Variants in HAPLN1 observed in about 807,000 individuals in gnomAD.
HAPLN1 encodes hyaluronan and proteoglycan link protein 1, also known as Cartilage link protein.
A neutral mutation model predicts 36.5 loss-of-function variants in HAPLN1; 13 were observed. The ratio of observed to expected loss-of-function variants is 0.36; its 90% CI spans 0.23 to 0.57. HAPLN1 has a LOEUF of 0.57. Ranked by LOEUF, HAPLN1 falls within the 20% of genes least tolerant of loss-of-function variation. The pLI is 0.83. For synonymous variants in HAPLN1, 202 were observed against 169.8 expected (o/e 1.19, Z -1.48); for missense variants, 407 against 439.7 (o/e 0.93, Z 0.66).
intron 3 of HAPLN1, among the ~76,000 whole-genome samples, chr5:83,645,471 C>CTT (rs1423821503): frequency 4.9e-5 from 1 of 20,318 alleles, no homozygotes; most frequent in African/African-American, 2.8e-4. Flanking sequence ...TTTTCTTTTT[C>CTT]TTTCTTTTTT....
In HAPLN1 at chr5:83,641,167, C is replaced by G. The variant is rs1412623198; in HGVS notation, c.*329G>C. ...GAACCTGCTGCTCTGAGTAGCTTTA[C>G]TTTCCTTAATTTAATCCTAGCAATT... On this transcript the variant is annotated 3_prime_UTR_variant, in exon 5 of 5. Coordinates refer to ENST00000274341, the MANE Select transcript of HAPLN1 (RefSeq NM_001884.4). 6.4e-6 allele frequency: 1 copy of G among 155,800 alleles called. No homozygotes were observed. Among genetic ancestry groups the G allele is most frequent in the Non-Finnish European group, 1.4e-5 (1 of 70,388 alleles). The allele number at this position is 155,800 out of a possible 1,614,324, so 9.7% of individuals were successfully genotyped here.
At chr5:83,689,016 T>C (rs945315322) in intron 1 of HAPLN1, among the ~76,000 whole-genome samples, 2 of 152,192 alleles carry the variant, frequency 1.3e-5, no homozygotes, top group Admixed American at 1.3e-4. Flanking sequence ...ATGCATTGTA[T>C]TTGCACAGGC....
Position 83,644,568 on chromosome 5 carries a change from G to A in HAPLN1, c.570C>T (p.Ser190=). ...GCCAGGCGTCGTACAGCTGGTCGAA[G>A]GAGGCGATCACAGCATCCTGGTCCA... The part of the protein sequence containing the change: ...ACLDQDAVIA[S]FDQLYDAWRG... The change falls in exon 4 of 5, where the codon TCC becomes TCT. Residue 190 remains serine, a synonymous_variant. Coordinates refer to ENST00000274341, the MANE Select transcript of HAPLN1 (RefSeq NM_001884.4). The A allele has an allele frequency of 1.9e-6, 3 of 1,597,914 alleles. No individual in the cohort carries two copies. The highest frequency in any genetic ancestry group is 2.3e-5 in the East Asian group (1 of 44,100).
chr5:83,678,221 G>GTGTA (rs1491151318), intron 1 of HAPLN1, among the ~76,000 whole-genome samples: 1 of 70,922 alleles, frequency 1.4e-5, no homozygotes, highest in East Asian at 5.5e-4. Flanking sequence ...TATAGTTTGG[G>GTGTA]TGTGTGTGTG....
At chr5:83,697,314 C>T (rs1751411166) in intron 1 of HAPLN1, among the ~76,000 whole-genome samples, 1 of 152,076 alleles carries the variant, frequency 6.6e-6, no homozygotes, top group African/African-American at 2.4e-5. Context: ...TTATGCCTGG[C>T]TTCTTTCACT....
intron 3 of HAPLN1, among the ~76,000 whole-genome samples, chr5:83,648,093 C>T (rs2112559801): frequency 6.6e-6 from 1 of 152,126 alleles, no homozygotes; most frequent in Non-Finnish European, 1.5e-5. Context: ...GTCCAAGCTT[C>T]TTCCTAAATT....
At chr5:83,685,397 C>A (rs531655641) in intron 1 of HAPLN1, among the ~76,000 whole-genome samples, 2 of 152,288 alleles carry the variant, frequency 1.3e-5, no homozygotes, top group East Asian at 3.9e-4. Flanking sequence ...ATGCTGCAGA[C>A]TTCTAGATAT....
At chr5:83,690,725 G>C (rs189894811) in intron 1 of HAPLN1, among the ~76,000 whole-genome samples, 81 of 151,922 alleles carry the variant, frequency 5.3e-4, no homozygotes, top group African/African-American at 1.9e-3. Context: ...AAAAATATCT[G>C]ACATAATTTC....
chr5:83,688,639 A>ATTT, intron 1 of HAPLN1, among the ~76,000 whole-genome samples: 1 of 35,664 alleles, frequency 2.8e-5, no homozygotes, highest in Non-Finnish European at 5.4e-5. Flanking sequence ...GCAGCTTTTG[A>ATTT]TTCTTTTTTT....
chr5:83,653,770 G>A (rs146637754), intron 2 of HAPLN1, among the ~76,000 whole-genome samples: 5 of 152,286 alleles, frequency 3.3e-5, no homozygotes, highest in Admixed American at 6.5e-5. Context: ...CAGGTCTGCC[G>A]TTTTCTACAT....
intron 1 of HAPLN1, among the ~76,000 whole-genome samples, chr5:83,709,875 G>C (rs897743872): frequency 1.3e-5 from 2 of 152,192 alleles, no homozygotes; most frequent in Admixed American, 6.5e-5. Context: ...AATTCAGTAA[G>C]AGAGGATGAT....
intron 1 of HAPLN1, among the ~76,000 whole-genome samples, chr5:83,689,997 A>T (rs1244297809): frequency 6.6e-6 from 1 of 152,054 alleles, no homozygotes; most frequent in Non-Finnish European, 1.5e-5. Flanking sequence ...GTTATTTTAC[A>T]TTTACAGTAT....
At chr5:83,681,964 G>C (rs940177566) in intron 1 of HAPLN1, among the ~76,000 whole-genome samples, 1 of 152,114 alleles carries the variant, frequency 6.6e-6, no homozygotes, top group African/African-American at 2.4e-5. Flanking sequence ...TTTGAAACAA[G>C]AGTTTTTAAA....
chr5:83,690,097 A>C (rs1386393873), intron 1 of HAPLN1, among the ~76,000 whole-genome samples: 3 of 152,084 alleles, frequency 2.0e-5, no homozygotes, highest in South Asian at 4.1e-4. Context: ...CAGTTTACTT[A>C]AATAGGAAGG....
At chr5:83,713,048 A>T (rs557091487) in intron 1 of HAPLN1, among the ~76,000 whole-genome samples, 2 of 152,182 alleles carry the variant, frequency 1.3e-5, no homozygotes, top group South Asian at 4.1e-4. Context: ...TTATATGGTA[A>T]GCTAAACAAC....
At chr5:83,702,632 G>A (rs1459426778) in intron 1 of HAPLN1, among the ~76,000 whole-genome samples, 1 of 152,122 alleles carries the variant, frequency 6.6e-6, no homozygotes, top group Non-Finnish European at 1.5e-5. Flanking sequence ...TTCTTAAAGT[G>A]GAAAGAAAAG....
chr5:83,651,282 T>C (rs932749042), intron 3 of HAPLN1, among the ~76,000 whole-genome samples: 3 of 152,180 alleles, frequency 2.0e-5, no homozygotes, highest in African/African-American at 7.2e-5. Context: ...TACTACTAGC[T>C]CAAGGCTCTC....
rs1332984438 is a variant in HAPLN1, at chr5:83,637,969, A to G, written c.*3527T>C. On this transcript the variant is annotated 3_prime_UTR_variant, in exon 5 of 5. Coordinates refer to ENST00000274341, the MANE Select transcript of HAPLN1 (RefSeq NM_001884.4). Reference sequence around the variant, plus strand: ...TATACAAAGAGAAAAAAGTCAATATATTTTGGGATAATACTATAGTTGATT... The same window carrying G: ...TATACAAAGAGAAAAAAGTCAATATGTTTTGGGATAATACTATAGTTGATT... 3 of 151,226 alleles carry G rather than the reference A, an allele frequency of 2.0e-5. No individual in the cohort carries two copies. The highest frequency in any genetic ancestry group is 4.2e-4 in the South Asian group (2 of 4,806). 9.4% of individuals were successfully genotyped at this position (151,226 alleles called of 1,614,324 possible).
intron 1 of HAPLN1, among the ~76,000 whole-genome samples, chr5:83,687,886 G>A (rs1228467806): frequency 6.6e-6 from 1 of 152,122 alleles, no homozygotes; most frequent in Non-Finnish European, 1.5e-5. Context: ...TTCTTGTACT[G>A]AAACATCAAA....
Sources: allele counts gnomAD v4.1 joint callset (sites outside exome capture counted in the v4.1 genomes callset), GRCh38; gene constraint gnomAD v4.1.1; transcripts MANE v1.5; gene names NCBI Gene and HGNC (gene_info 2026-07-23, HGNC 2026-07-21).